The following SLC8A3 variants were observed in gnomAD, a reference collection of about 807,000 sequenced individuals.
The protein encoded by SLC8A3 is sodium/calcium exchanger 3.
SLC8A3 carries 37 observed loss-of-function variants against 65.4 expected under a neutral mutation model. That is an observed-to-expected ratio of 0.57 (90% CI 0.44 to 0.74). SLC8A3 has a LOEUF of 0.74. SLC8A3 is among the 30% of genes least tolerant of loss of function. SLC8A3 has a pLI of 0.00. For synonymous variants in SLC8A3, 461 were observed against 444.5 expected, an observed-to-expected ratio of 1.04 and a Z score of -0.47; for missense variants, 1,112 against 1,172.1, an observed-to-expected ratio of 0.95 and a Z score of 0.75.
At position 70,167,855 on chromosome 14, in the gene SLC8A3, G is replaced by A. The variant is rs1444548703; in HGVS notation, c.568C>T (p.Pro190Ser). ...IIIGICVYVI[P>S]DGETRKIKHL... ...TTGATCTTGCGAGTCTCTCCGTCTG[G>A]GATCACGTAGACACAGATGCCAATG... Residue 190 changes from proline (P) to serine (S), a missense_variant, in exon 2 of 7, where the codon CCA (proline) becomes TCA (serine). Transcript: ENST00000356921. The A allele has an allele frequency of 1.2e-6, 2 of 1,614,050 alleles. No individual in the cohort carries two copies. The highest frequency in any genetic ancestry group is 3.3e-5 in the Admixed American group (2 of 60,010).
At chr14:70,064,727 T>G (rs1450809506) in intron 2 of SLC8A3, among the ~76,000 whole-genome samples, 1 of 152,222 alleles carries the variant, frequency 6.6e-6, no homozygotes, top group Non-Finnish European at 1.5e-5. Context: ...TTCTCAGTCC[T>G]ACGATGATTT....
chr14:70,165,957 C>T (rs1470111062), intron 2 of SLC8A3, among the ~76,000 whole-genome samples: 1 of 152,232 alleles, frequency 6.6e-6, no homozygotes, highest in Non-Finnish European at 1.5e-5. Context: ...GCCCTGGGAG[C>T]TCTGCTTCTC....
At chr14:70,147,899 G>T (rs549189910) in intron 2 of SLC8A3, among the ~76,000 whole-genome samples, 1 of 152,196 alleles carries the variant, frequency 6.6e-6, no homozygotes, top group Non-Finnish European at 1.5e-5. Context: ...TCAAGCTCTA[G>T]CAGAATCAGG....
chr14:70,140,933 T>C (rs1355675629), intron 2 of SLC8A3, among the ~76,000 whole-genome samples: 1 of 152,244 alleles, frequency 6.6e-6, no homozygotes, highest in East Asian at 1.9e-4. Flanking sequence ...TTCTCACTTC[T>C]CTGGATGCTT....
At chr14:70,164,762 A>G (rs1897075853) in intron 2 of SLC8A3, among the ~76,000 whole-genome samples, 1 of 152,178 alleles carries the variant, frequency 6.6e-6, no homozygotes, top group Non-Finnish European at 1.5e-5. Flanking sequence ...TGTGGTCTTA[A>G]TGTCATTTAA....
At chr14:70,067,199 T>C (rs1243456862) in intron 2 of SLC8A3, among the ~76,000 whole-genome samples, 1 of 152,240 alleles carries the variant, frequency 6.6e-6, no homozygotes, top group East Asian at 1.9e-4. Flanking sequence ...TTCACCGGGG[T>C]CTGTGCTTAT....
At position 70,167,382 on chromosome 14, in the gene SLC8A3, T is replaced by C; in HGVS notation, c.1041A>G (p.Gln347=). ...TACGGTAGAAGGCACGGCTCTTCTG[T>C]TGGTGGGAAAGAGCATAGTAATTGG... ...EMANYYALSH[Q]QKSRAFYRIQ... The change falls in exon 2 of 7, where the codon CAA becomes CAG. Residue 347 remains glutamine, a synonymous_variant. Transcript: ENST00000356921. 3.7e-6 allele frequency: 6 copies of C among 1,614,096 alleles called. No homozygotes were observed. The highest frequency in any genetic ancestry group is 4.2e-6 in the Non-Finnish European group (5 of 1,179,988).
rs1366434645 is a variant in SLC8A3, at chr14:70,168,082, A to G, written c.341T>C (p.Ile114Thr). 7 of 1,613,978 alleles carry G rather than the reference A, an allele frequency of 4.3e-6. No homozygotes were observed. Among genetic ancestry groups the G allele is most frequent in the Non-Finnish European group, 5.9e-6 (7 of 1,180,022 alleles). The change falls in exon 2 of 7, where the codon ATT (isoleucine) becomes ACT (threonine). Residue 114 changes from isoleucine (I) to threonine (T), a missense_variant. By Grantham distance (89) the Ile-to-Thr change is moderately conservative. Transcript: ENST00000356921. ...GCTGGTTTCTCCATTGGGTTTCTTA[A>G]TTGTCACCTCCCTCTCTTGAGAGGT... ...VITSQEREVT[I>T]KKPNGETSTT...
intron 2 of SLC8A3, among the ~76,000 whole-genome samples, chr14:70,061,582 G>T (rs983722795): frequency 3.9e-5 from 6 of 151,908 alleles, no homozygotes; most frequent in African/African-American, 1.5e-4. Context: ...GAGAGAGAGA[G>T]AGAAGAAAGG....
At chr14:70,056,298 A>G (rs1038087996) in intron 3 of SLC8A3, among the ~76,000 whole-genome samples, 8 of 152,200 alleles carry the variant, frequency 5.3e-5, no homozygotes, top group African/African-American at 1.9e-4. Flanking sequence ...AATGGGTAGC[A>G]TTGTGCAAGA....
At chr14:70,127,496 A>G (rs535866463) in intron 2 of SLC8A3, among the ~76,000 whole-genome samples, 1 of 152,334 alleles carries the variant, frequency 6.6e-6, no homozygotes, top group East Asian at 1.9e-4. Context: ...AAGTGTGGTC[A>G]GTAGCAGCTG....
intron 2 of SLC8A3, among the ~76,000 whole-genome samples, chr14:70,072,243 G>A (rs1288871442): frequency 3.3e-5 from 5 of 152,136 alleles, no homozygotes; most frequent in African/African-American, 7.2e-5. Context: ...CCTGGAGAGC[G>A]TGTTACCTGT....
chr14:70,136,023 A>G (rs1301456443), intron 2 of SLC8A3, among the ~76,000 whole-genome samples: 2 of 152,200 alleles, frequency 1.3e-5, no homozygotes, highest in East Asian at 3.8e-4. Flanking sequence ...ACTATGCATA[A>G]CTATTATGTT....
intron 2 of SLC8A3, among the ~76,000 whole-genome samples, chr14:70,088,558 C>T (rs1404597395): frequency 6.6e-6 from 1 of 152,162 alleles, no homozygotes; most frequent in Non-Finnish European, 1.5e-5. Context: ...TCCTGCGTGG[C>T]TTTAGTGGCC....
chr14:70,103,484 T>C (rs1892663131), intron 2 of SLC8A3, among the ~76,000 whole-genome samples: 2 of 152,192 alleles, frequency 1.3e-5, no homozygotes, highest in African/African-American at 4.8e-5. Context: ...ATGTACGTGA[T>C]GTAATACATA....
At chr14:70,081,869 A>G (rs572646018) in intron 2 of SLC8A3, among the ~76,000 whole-genome samples, 7 of 152,204 alleles carry the variant, frequency 4.6e-5, no homozygotes, top group Non-Finnish European at 1.0e-4. Flanking sequence ...AATGAAGGAG[A>G]TTCTGAAGGT....
intron 2 of SLC8A3, among the ~76,000 whole-genome samples, chr14:70,123,231 C>A (rs943744783): frequency 6.6e-6 from 1 of 150,862 alleles, no homozygotes; most frequent in Non-Finnish European, 1.5e-5. Context: ...GGTGACAGAG[C>A]GAGACTCTGT....
intron 2 of SLC8A3, among the ~76,000 whole-genome samples, chr14:70,079,285 A>T (rs1471278841): frequency 6.8e-6 from 1 of 146,430 alleles, no homozygotes; most frequent in African/African-American, 2.6e-5. Flanking sequence ...GGAGTTCGAG[A>T]CCAGCCTGGC....
At chr14:70,183,915 A>G (rs1297564666) in intron 1 of SLC8A3, among the ~76,000 whole-genome samples, 1 of 152,222 alleles carries the variant, frequency 6.6e-6, no homozygotes, top group African/African-American at 2.4e-5. Context: ...TGCTGCACAT[A>G]GCTTTCTCCA....
Sources: allele counts gnomAD v4.1 joint callset (sites outside exome capture counted in the v4.1 genomes callset), GRCh38; gene constraint gnomAD v4.1.1; transcripts MANE v1.5; gene names NCBI Gene and HGNC (gene_info 2026-07-23, HGNC 2026-07-21).